The following SLC5A11 variants were observed in gnomAD, a reference collection of about 807,000 sequenced individuals.
The protein encoded by SLC5A11 is solute carrier family 5 member 11, also known as sodium/myo-inositol cotransporter 2.
SLC5A11 carries 48 observed loss-of-function variants against 69.8 expected under a neutral mutation model. The ratio of observed to expected loss-of-function variants is 0.69; its 90% confidence interval spans 0.55 to 0.87. The LOEUF (loss-of-function observed/expected upper bound fraction) is 0.87, where lower values mean the gene tolerates loss of function less well. SLC5A11 is among the 40% of genes least tolerant of loss of function. The pLI is 0.00. For synonymous variants in SLC5A11, 319 were observed against 342.4 expected (o/e 0.93, Z 0.75); for missense variants, 784 against 866.1 (o/e 0.91, Z 1.19).
intron 5 of SLC5A11, among the ~76,000 whole-genome samples, chr16:24,872,759 T>C (rs905811100): frequency 2.6e-5 from 4 of 151,132 alleles, no homozygotes; most frequent in Non-Finnish European, 5.9e-5. Context: ...TGGGCTCAAG[T>C]GATCTGCACA....
chr16:24,890,243 G>A (rs1597203106), intron 8 of SLC5A11, among the ~76,000 whole-genome samples: 1 of 152,166 alleles, frequency 6.6e-6, no homozygotes, highest in South Asian at 2.1e-4. Flanking sequence ...ACAATGGCAT[G>A]GGACAATGGC....
At chr16:24,851,731 G>A (rs1208573621) in intron 1 of SLC5A11, among the ~76,000 whole-genome samples, 3 of 152,168 alleles carry the variant, frequency 2.0e-5, no homozygotes, top group Non-Finnish European at 4.4e-5. Context: ...TGTGACGTAT[G>A]TCTAATTATT....
At chr16:24,879,542 T>A (rs1422462734) in intron 7 of SLC5A11, among the ~76,000 whole-genome samples, 1 of 152,100 alleles carries the variant, frequency 6.6e-6, no homozygotes, top group Non-Finnish European at 1.5e-5. Context: ...TTCCAGAGCA[T>A]CCTGGCCAAC....
chr16:24,895,510 GA>G (rs2049095127), intron 9 of SLC5A11, among the ~76,000 whole-genome samples: 1 of 143,908 alleles, frequency 6.9e-6, no homozygotes, highest in African/African-American at 2.5e-5. Context: ...GAAAAGAAAA[GA>G]AAAAAAAGTA....
In SLC5A11 at chr16:24,854,388, C is replaced by T. The variant is rs901670866; in HGVS notation, c.-24-4232C>T. 3.9e-5 allele frequency among the ~76,000 whole-genome samples: 6 copies of T among 151,970 alleles called. No homozygotes were observed. The East Asian group carries it at 5.8e-4, about 15-fold the overall frequency. On this transcript the variant is annotated intron_variant, in intron 1 of 15. Transcript: ENST00000347898. Reference sequence around the variant, plus strand: ...CTTGTCAGCCATGTGACTTTGGACACGACTTAAACTCTCAGAGCCATCACT... The same window carrying T: ...CTTGTCAGCCATGTGACTTTGGACATGACTTAAACTCTCAGAGCCATCACT...
chr16:24,897,941 T>A (rs2049295664), intron 9 of SLC5A11, 33 bp from the exon 11 acceptor site: 7 of 1,610,702 alleles, frequency 4.3e-6, no homozygotes, highest in Non-Finnish European at 5.9e-6. Context: ...TATATCAGCA[T>A]TCCCAGTTTC....
intron 14 of SLC5A11, among the ~76,000 whole-genome samples, chr16:24,910,100 A>T (rs1352167837): frequency 1.5e-5 from 2 of 131,782 alleles, no homozygotes; most frequent in Admixed American, 9.5e-5. Flanking sequence ...TCGGAGAAAG[A>T]CGTGGGAATG....
intron 1 of SLC5A11, among the ~76,000 whole-genome samples, chr16:24,856,491 C>T (rs557185518): frequency 4.4e-4 from 66 of 150,602 alleles, no homozygotes; most frequent in African/African-American, 1.4e-3. Context: ...CAGTGGCTCA[C>T]GTCTGTAATC....
intron 1 of SLC5A11, among the ~76,000 whole-genome samples, chr16:24,853,933 T>C (rs1238462309): frequency 6.6e-6 from 1 of 152,160 alleles, no homozygotes; most frequent in Non-Finnish European, 1.5e-5. Context: ...ACAGCATCTT[T>C]GGTCGCTGTT....
At chr16:24,890,097 G>A (rs998487409) in intron 8 of SLC5A11, among the ~76,000 whole-genome samples, 1 of 152,032 alleles carries the variant, frequency 6.6e-6, no homozygotes, top group African/African-American at 2.4e-5. Context: ...AATTACAGAG[G>A]GATTTCTCAA....
chr16:24,876,609 A>G (rs1403181495), intron 6 of SLC5A11, among the ~76,000 whole-genome samples: 1 of 152,200 alleles, frequency 6.6e-6, no homozygotes, highest in Admixed American at 6.5e-5. Flanking sequence ...AATCCAAACA[A>G]CAATAAGTGA....
At chr16:24,887,727 T>A (rs2048481407) in intron 8 of SLC5A11, among the ~76,000 whole-genome samples, 1 of 152,198 alleles carries the variant, frequency 6.6e-6, no homozygotes, top group South Asian at 2.1e-4. Flanking sequence ...TGTTCTGTTT[T>A]TCTCTTCCTT....
intron 7 of SLC5A11, among the ~76,000 whole-genome samples, chr16:24,878,925 C>T (rs2047862458): frequency 2.0e-5 from 3 of 152,152 alleles, no homozygotes; most frequent in Admixed American, 2.0e-4. Flanking sequence ...ATCCCAGCTA[C>T]TCGGGAGGCT....
intron 1 of SLC5A11, among the ~76,000 whole-genome samples, chr16:24,850,178 G>A (rs768114844): frequency 2.6e-5 from 4 of 152,002 alleles, no homozygotes; most frequent in Admixed American, 6.5e-5. Flanking sequence ...TCAAACTCCC[G>A]GCCTCAAGCG....
At chr16:24,858,545 A>C in intron 1 of SLC5A11, 75 bp from the exon 3 acceptor site, 5 of 1,362,692 alleles carry the variant, frequency 3.7e-6, no homozygotes, top group Non-Finnish European at 4.0e-6. Flanking sequence ...TGGATGGCCT[A>C]GGGAGGTAGC....
At chr16:24,878,172 A>G (rs1359191818) in intron 7 of SLC5A11, among the ~76,000 whole-genome samples, 1 of 152,226 alleles carries the variant, frequency 6.6e-6, no homozygotes, top group African/African-American at 2.4e-5. Context: ...AAAAAGATAA[A>G]GCATTTTTAA....
At chr16:24,855,834 C>G (rs576274825) in intron 1 of SLC5A11, among the ~76,000 whole-genome samples, 1 of 152,156 alleles carries the variant, frequency 6.6e-6, no homozygotes, top group Non-Finnish European at 1.5e-5. Context: ...CTTGGACTTT[C>G]TCCAGAACTG....
intron 1 of SLC5A11, among the ~76,000 whole-genome samples, chr16:24,850,421 G>A (rs1337917287): frequency 2.6e-5 from 4 of 152,224 alleles, no homozygotes; most frequent in African/African-American, 7.2e-5. Context: ...TTGTAGGGCT[G>A]CCTCCACTAG....
rs780140706 is a variant in SLC5A11 at position 24,870,004 on chromosome 16, A to G, written c.311A>G (p.Asn104Ser). 5 of 1,608,536 alleles carry G rather than the reference A, an allele frequency of 3.1e-6. No individual in the cohort carries two copies. In the Admixed American group the frequency reaches 6.7e-5, roughly 21 times the overall value. The change falls in exon 4 of 16, where the codon AAT becomes AGT. Residue 104 changes from asparagine (N) to serine (S), a missense_variant and splice_region_variant. This residue lies in a region of SLC5A11 where 101 missense variants were observed against 152.4 expected (regional missense o/e 0.66). Transcript: ENST00000347898. ...ATTTCTGTATCAGCTTATGAACTTA[A>G]TGTAAGTATTTTACCTAGGGCATAG...
Sources: allele counts gnomAD v4.1 joint callset (sites outside exome capture counted in the v4.1 genomes callset), GRCh38; gene constraint gnomAD v4.1.1; regional missense constraint gnomAD v4.1.1; transcripts MANE v1.5; gene names NCBI Gene and HGNC (gene_info 2026-07-23, HGNC 2026-07-21).